The following ABCG2 variants were observed in gnomAD, a reference collection of about 807,000 sequenced individuals.
ABCG2 encodes ATP binding cassette subfamily G member 2 (JR blood group).
Under a neutral mutation model 73.5 loss-of-function variants are expected in ABCG2, and 80 were observed. The observed-to-expected ratio is 1.09, with a 90% CI of 0.91 to 1.31. The LOEUF is 1.31. ABCG2 is among the 50% of genes most tolerant of loss of function. ABCG2 has a pLI of 0.00. For synonymous variants in ABCG2, 269 were observed against 282.4 expected, an observed-to-expected ratio of 0.95 and a Z score of 0.48; for missense variants, 796 against 786.2, an observed-to-expected ratio of 1.01 and a Z score of -0.15.
At chr4:88,165,818 G>A (rs1171168609) in intron 1 of ABCG2, among the ~76,000 whole-genome samples, 6 of 151,932 alleles carry the variant, frequency 3.9e-5, no homozygotes, top group African/African-American at 1.5e-4. Context: ...AGGTTGTGGT[G>A]AGCCAAGATT....
At chr4:88,146,874 A>C (rs1227684058) in intron 1 of ABCG2, among the ~76,000 whole-genome samples, 1 of 146,568 alleles carries the variant, frequency 6.8e-6, no homozygotes, top group Non-Finnish European at 1.5e-5. Context: ...GTCAAAAAGA[A>C]AGAAAAGCAA....
At chr4:88,157,950 G>C (rs771357445) in intron 1 of ABCG2, among the ~76,000 whole-genome samples, 3 of 151,954 alleles carry the variant, frequency 2.0e-5, no homozygotes, top group Non-Finnish European at 2.9e-5. Flanking sequence ...AGCTTTAAAG[G>C]GATTGACCAA....
chr4:88,108,248 C>A (rs530536516), intron 9 of ABCG2, among the ~76,000 whole-genome samples: 1 of 152,166 alleles, frequency 6.6e-6, no homozygotes, highest in East Asian at 1.9e-4. Context: ...ATGGGCTGGG[C>A]GTGGTGGCTC....
chr4:88,197,197 C>CAA (rs200839263), intron 1 of ABCG2, among the ~76,000 whole-genome samples: 50 of 113,768 alleles, frequency 4.4e-4, no homozygotes, highest in Admixed American at 1.4e-3. Context: ...CTTTCAACAA[C>CAA]AAAAAAAAAA....
At chr4:88,108,121 G>A (rs1180957455) in intron 9 of ABCG2, among the ~76,000 whole-genome samples, 1 of 148,884 alleles carries the variant, frequency 6.7e-6, no homozygotes, top group Non-Finnish European at 1.5e-5. Context: ...AGGATAAAGG[G>A]TCTCTTAAGG....
Position 88,090,588 on chromosome 4 carries a change from C to T in ABCG2, c.*1646G>A, listed in dbSNP as rs1721584997. 6.6e-6 allele frequency: 1 copy of T among 152,216 alleles called. No homozygotes were observed. The highest frequency in any genetic ancestry group is 1.5e-5 in the Non-Finnish European group (1 of 68,042). 9.4% of individuals were successfully genotyped at this position (152,216 alleles called of 1,614,324 possible). A position where few individuals can be genotyped will look rare whatever the true frequency, so the allele number is the denominator to read the frequency against. On this transcript the variant is annotated 3_prime_UTR_variant, in exon 16 of 16. Transcript: ENST00000237612. ...CCATGTTCCCAAATTGATGTTGTGA[C>T]AGAATGTCAGGGCACCCACTGACAA...
chr4:88,156,662 T>C (rs970688913), intron 1 of ABCG2, among the ~76,000 whole-genome samples: 2 of 152,200 alleles, frequency 1.3e-5, no homozygotes, highest in East Asian at 3.9e-4. Flanking sequence ...TGTTTAACCA[T>C]TAGGAAAAAA....
intron 5 of ABCG2, among the ~76,000 whole-genome samples, chr4:88,130,090 C>G (rs1357110198): frequency 6.6e-6 from 1 of 152,008 alleles, no homozygotes; most frequent in African/African-American, 2.4e-5. Context: ...CTAATTTGAC[C>G]AAATATAATT....
At chr4:88,099,246 T>C (rs1722213118) in intron 12 of ABCG2, 78 bp downstream of exon 12, 3 of 1,372,146 alleles carry the variant, frequency 2.2e-6, no homozygotes, top group Middle Eastern at 2.3e-4. Flanking sequence ...GAACCAAAAA[T>C]ATGCTTGCAA....
At chr4:88,172,338 T>C (rs1331240923) in intron 1 of ABCG2, among the ~76,000 whole-genome samples, 2 of 142,454 alleles carry the variant, frequency 1.4e-5, no homozygotes, top group East Asian at 4.1e-4. Flanking sequence ...ATGCCTATAA[T>C]CCCAGCACTT....
intron 1 of ABCG2, among the ~76,000 whole-genome samples, chr4:88,209,524 G>A (rs1443271042): frequency 3.3e-5 from 5 of 151,554 alleles, no homozygotes; most frequent in African/African-American, 9.7e-5. Context: ...TTATCCAGGC[G>A]TGGTGGTGAG....
chr4:88,152,516 GC>G (rs762962640), intron 1 of ABCG2, among the ~76,000 whole-genome samples: 19 of 152,242 alleles, frequency 1.2e-4, no homozygotes, highest in Non-Finnish European at 2.2e-4. Context: ...CAGGGGTGGG[GC>G]GTCACAGGGT....
upstream of ABCG2, among the ~76,000 whole-genome samples, chr4:88,162,874 T>A (rs1727368950): frequency 2.6e-5 from 4 of 152,148 alleles, no homozygotes; most frequent in African/African-American, 9.7e-5. Context: ...ACCTTTCTTT[T>A]ATTTTACCAG....
chr4:88,227,035 G>A (rs1730248160), intron 1 of ABCG2, among the ~76,000 whole-genome samples: 2 of 152,128 alleles, frequency 1.3e-5, no homozygotes, highest in South Asian at 4.1e-4. Context: ...TTGAGGTAGA[G>A]GCTGTAGTGA....
In ABCG2 at chr4:88,158,431, G is replaced by C. The variant is rs55927234; in HGVS notation, c.-65C>G. The stretch of plus-strand genomic sequence containing the variant: ...CTTAACCAAAGGCTCAGGATCTCAG[G>C]ATGCGTGCGCTCGGAGGCAGCGCTT... On this transcript the variant is annotated 5_prime_UTR_variant, in exon 1 of 16. In the 5' UTR this introduces an upstream ATG that the reference lacks. Coordinates refer to ENST00000237612, the MANE Select transcript of ABCG2 (RefSeq NM_004827.3). 2.4e-3 allele frequency: 1,051 copies of C among 446,832 alleles called. 4 individuals carry two copies. Among genetic ancestry groups the C allele is most frequent in the Non-Finnish European group, 3.6e-3 (803 of 222,012 alleles). The allele number at this position is 446,832 out of a possible 1,614,324, so 27.7% of individuals were successfully genotyped here.
intron 12 of ABCG2, among the ~76,000 whole-genome samples, chr4:88,098,610 G>A (rs749139828): frequency 3.4e-4 from 50 of 148,714 alleles, no homozygotes; most frequent in Non-Finnish European, 5.6e-4. Context: ...GTGTGTGTGT[G>A]TATATATATA....
chr4:88,093,691 G>C (rs1721798737), intron 15 of ABCG2, among the ~76,000 whole-genome samples: 2 of 152,042 alleles, frequency 1.3e-5, no homozygotes, highest in Non-Finnish European at 2.9e-5. Context: ...TCTCTGTACA[G>C]AGGATTTCCT....
At chr4:88,188,194 C>T (rs1489665861) in intron 1 of ABCG2, among the ~76,000 whole-genome samples, 2 of 152,092 alleles carry the variant, frequency 1.3e-5, no homozygotes, top group African/African-American at 4.8e-5. Context: ...CTTTCATATG[C>T]GGCTATCCAG....
At chr4:88,222,069 G>T (rs1730029943) in intron 1 of ABCG2, among the ~76,000 whole-genome samples, 1 of 152,184 alleles carries the variant, frequency 6.6e-6, no homozygotes, top group East Asian at 1.9e-4. Flanking sequence ...TTGGGACTTG[G>T]TGCCCTGCAT....
Sources: allele counts gnomAD v4.1 joint callset (sites outside exome capture counted in the v4.1 genomes callset), GRCh38; gene constraint gnomAD v4.1.1; transcripts MANE v1.5; gene names NCBI Gene and HGNC (gene_info 2026-07-23, HGNC 2026-07-21).